MAPK10: variants seen among roughly 807,000 people sequenced by gnomAD.
MAPK10 encodes the protein JNK3 alpha protein kinase.
A neutral mutation model predicts 59.3 loss-of-function variants in MAPK10; 25 were observed. The observed-to-expected ratio is 0.42, with a 90% CI of 0.31 to 0.59. The LOEUF is 0.59. Ranked by LOEUF, MAPK10 falls within the 20% of genes least tolerant of loss-of-function variation. MAPK10 has a pLI of 0.15. For synonymous variants in MAPK10, 190 were observed against 200.5 expected (o/e 0.95, Z 0.44); for missense variants, 351 against 568.9 (o/e 0.62, Z 3.90).
intron 1 of MAPK10, among the ~76,000 whole-genome samples, chr4:86,527,692 C>T (rs1306224000): frequency 6.6e-6 from 1 of 152,152 alleles, no homozygotes; most frequent in Admixed American, 6.5e-5. Context: ...ATCATTCTAC[C>T]AAAAAGACAC....
At chr4:86,382,774 G>A (rs1311593281) in intron 1 of MAPK10, among the ~76,000 whole-genome samples, 1 of 152,118 alleles carries the variant, frequency 6.6e-6, no homozygotes, top group Non-Finnish European at 1.5e-5. Flanking sequence ...ATGAATGTTA[G>A]AGAACCTCTG....
rs1031069302 is a variant in MAPK10, at chr4:86,306,294, A to C, written c.-7+48236T>G. ...TTTAATATCTTCCTTAATAGAGGAT[A>C]GCTAGATTCTCATTCAATCTATTGT... On this transcript the variant is annotated intron_variant, in intron 2 of 13. Transcript: ENST00000641462. Among the ~76,000 whole-genome samples, 3 of 152,268 alleles carry C rather than the reference A, an allele frequency of 2.0e-5. No individual in the cohort carries two copies. The South Asian group carries it at 6.2e-4, about 31-fold the overall frequency.
intron 1 of MAPK10, among the ~76,000 whole-genome samples, chr4:86,479,200 A>G (rs1486190725): frequency 6.6e-6 from 1 of 152,046 alleles, no homozygotes; most frequent in Non-Finnish European, 1.5e-5. Context: ...CAGTCCTGTA[A>G]GGGACCGGCC....
intron 13 of MAPK10, among the ~76,000 whole-genome samples, chr4:86,019,310 C>T (rs1037587239): frequency 2.0e-5 from 3 of 151,928 alleles, no homozygotes; most frequent in Non-Finnish European, 4.4e-5. Flanking sequence ...TTTTCATGTT[C>T]TTTAAACTCC....
chr4:86,070,931 G>T (rs1348009246), intron 9 of MAPK10, among the ~76,000 whole-genome samples: 2 of 151,930 alleles, frequency 1.3e-5, no homozygotes, highest in Non-Finnish European at 2.9e-5. Flanking sequence ...TGGGTCAAAT[G>T]GTATTTCTAG....
intron 2 of MAPK10, among the ~76,000 whole-genome samples, chr4:86,315,263 G>C (rs1224154816): frequency 6.6e-6 from 1 of 151,988 alleles, no homozygotes; most frequent in Non-Finnish European, 1.5e-5. Context: ...TGGGGGATGC[G>C]GGGCATGGAG....
At chr4:86,084,129 T>C (rs1293395749) in intron 9 of MAPK10, among the ~76,000 whole-genome samples, 1 of 152,136 alleles carries the variant, frequency 6.6e-6, no homozygotes, top group Non-Finnish European at 1.5e-5. Flanking sequence ...ACATTCCCAG[T>C]TGTGGTGACT....
At chr4:86,550,232 T>G (rs80191653) in intron 1 of MAPK10, among the ~76,000 whole-genome samples, 7,105 of 152,036 alleles carry the variant, frequency 0.047, 220 homozygotes, top group African/African-American at 0.059. Flanking sequence ...ACAGGGAGAT[T>G]CAACGCCCTT....
chr4:86,560,880 A>G (rs1760625113), intron 1 of MAPK10, among the ~76,000 whole-genome samples: 1 of 152,222 alleles, frequency 6.6e-6, no homozygotes, highest in African/African-American at 2.4e-5. Flanking sequence ...TGTGCAAGGA[A>G]TGAAGCGTGT....
chr4:86,239,464 A>C (rs946882795), intron 2 of MAPK10, among the ~76,000 whole-genome samples: 1 of 152,080 alleles, frequency 6.6e-6, no homozygotes, highest in African/African-American at 2.4e-5. Flanking sequence ...TTAGCTGTGA[A>C]TCCGTCTGGT....
At position 86,013,152 on chromosome 4, in the gene MAPK10, A is replaced by G. The variant is rs1012859804; in HGVS notation, c.*4076T>C. 1.1e-4 allele frequency: 17 copies of G among 152,210 alleles called. No individual in the cohort carries two copies. Among genetic ancestry groups the G allele is most frequent in the African/African-American group, 4.1e-4 (17 of 41,466 alleles). The allele number at this position is 152,210 out of a possible 1,614,324, so 9.4% of individuals were successfully genotyped here. A position where few individuals can be genotyped will look rare whatever the true frequency, so the allele number is the denominator to read the frequency against. On this transcript the variant is annotated 3_prime_UTR_variant, in exon 14 of 14. Coordinates refer to ENST00000641462, the MANE Select transcript of MAPK10 (RefSeq NM_138982.4). ...CCAAAGAAACAGGTCAAAGTGAGCC[A>G]TTTTCAGATAGTTAAAGGACTAAGT...
intron 2 of MAPK10, among the ~76,000 whole-genome samples, chr4:86,352,458 C>G (rs1255784791): frequency 2.6e-5 from 4 of 151,982 alleles, no homozygotes; most frequent in Admixed American, 6.6e-5. Flanking sequence ...AGTATACATG[C>G]TGTAACTCCA....
chr4:86,449,659 C>T (rs1364227548), intron 1 of MAPK10, among the ~76,000 whole-genome samples: 1 of 152,222 alleles, frequency 6.6e-6, no homozygotes, highest in Non-Finnish European at 1.5e-5. Context: ...AACTAGGAAA[C>T]TGTGACTTGC....
At position 86,347,865 on chromosome 4, in the gene MAPK10, A is replaced by G. The variant is rs149830068; in HGVS notation, c.-7+6665T>C. Among the ~76,000 whole-genome samples the G allele has an allele frequency of 9.9e-3, 1,511 of 152,274 alleles. 17 individuals are homozygous for G. The highest frequency in any genetic ancestry group is 0.034 in the African/African-American group (1,428 of 41,536). ...ATCTCCTTGGGGTTAGGACTTCAAC[A>G]TAAGAATTTGGAGGGAACACAAAAT... On this transcript the variant is annotated intron_variant, in intron 2 of 13. Coordinates refer to ENST00000641462, the MANE Select transcript of MAPK10 (RefSeq NM_138982.4).
intron 2 of MAPK10, among the ~76,000 whole-genome samples, chr4:86,271,996 C>A (rs1010378874): frequency 1.3e-5 from 2 of 151,952 alleles, no homozygotes; most frequent in Non-Finnish European, 1.5e-5. Context: ...TCTCCCCCTC[C>A]CACTTCTAGT....
intron 4 of MAPK10, among the ~76,000 whole-genome samples, chr4:86,115,548 G>A (rs779895403): frequency 6.6e-6 from 1 of 151,988 alleles, no homozygotes; most frequent in Non-Finnish European, 1.5e-5. Context: ...CGCAACCTCC[G>A]ACCCCTGGGT....
At chr4:86,254,760 A>G (rs1019509368) in intron 2 of MAPK10, among the ~76,000 whole-genome samples, 28 of 150,576 alleles carry the variant, frequency 1.9e-4, no homozygotes, top group African/African-American at 6.6e-4. Context: ...GATCTGTCTA[A>G]TGTTGACAGT....
chr4:86,251,768 T>G (rs1212297857), intron 2 of MAPK10, among the ~76,000 whole-genome samples: 1 of 135,802 alleles, frequency 7.4e-6, no homozygotes, highest in Non-Finnish European at 1.5e-5. Flanking sequence ...TCCACAATGG[T>G]TGAACTAGTT....
At chr4:86,566,396 T>TATA (rs1761061585) in intron 1 of MAPK10, among the ~76,000 whole-genome samples, 3 of 152,298 alleles carry the variant, frequency 2.0e-5, no homozygotes, top group African/African-American at 7.2e-5. Flanking sequence ...AGCATCCTGT[T>TATA]TCCTTCCTAT....
Sources: gnomAD v4.1 joint callset for allele counts (sites outside exome capture counted in the v4.1 genomes callset) on GRCh38, gnomAD v4.1.1 for gene constraint, MANE v1.5 for transcripts, NCBI Gene and HGNC (gene_info 2026-07-23, HGNC 2026-07-21) for gene names.